Variants in IQSEC1 observed in about 807,000 individuals in gnomAD.
The protein encoded by IQSEC1 is IQ motif and Sec7 domain ArfGEF 1, also known as IQ motif and SEC7 domain-containing protein 1.
A neutral mutation model predicts 91.0 loss-of-function variants in IQSEC1; 31 were observed. That is an observed-to-expected ratio of 0.34 (90% confidence interval 0.26 to 0.46). The LOEUF (loss-of-function observed/expected upper bound fraction) is 0.46, where lower values mean the gene tolerates loss of function less well. Among genes scored for constraint, IQSEC1 ranks in the 20% least tolerant of loss-of-function variants. The pLI is 1.00. For missense variants in IQSEC1, 1,388 were observed against 1,575.6 expected (o/e 0.88, Z 2.02); for synonymous variants, 699 against 662.6 (o/e 1.05, Z -0.84).
intron 1 of IQSEC1, among the ~76,000 whole-genome samples, chr3:13,069,564 G>A (rs1015583352): frequency 1.3e-4 from 20 of 152,194 alleles, no homozygotes; most frequent in Admixed American, 1.3e-3. Flanking sequence ...AGGTCATCAT[G>A]TCCCCCAAAC....
chr3:13,094,646 T>C lies in IQSEC1; in HGVS notation c.303-47124A>G, dbSNP rs563160835. On this transcript the variant is annotated intron_variant, in intron 2 of 15. Coordinates refer to the IQSEC1 transcript ENST00000648114. ...TTCCACCATTCCCCTCATAATACAGTTGTGGAAACTGAGGACAGATAAATC... is the reference window on the plus strand; with the variant it reads ...TTCCACCATTCCCCTCATAATACAGCTGTGGAAACTGAGGACAGATAAATC... Among the ~76,000 whole-genome samples, 8 of 152,278 alleles carry C rather than the reference T, an allele frequency of 5.3e-5. No homozygotes were observed. In the South Asian group the frequency reaches 1.7e-3, roughly 32 times the overall value.
At chr3:13,216,881 T>C (rs144154492) in intron 1 of IQSEC1, among the ~76,000 whole-genome samples, 432 of 152,294 alleles carry the variant, frequency 2.8e-3, no homozygotes, top group Non-Finnish European at 5.0e-3. Context: ...GGACGCTTTC[T>C]CCCGATGAGT....
intron 2 of IQSEC1, among the ~76,000 whole-genome samples, chr3:13,143,525 G>C (rs1044002598): frequency 1.3e-5 from 2 of 152,196 alleles, no homozygotes; most frequent in African/African-American, 4.8e-5. Flanking sequence ...CCCAAACAGG[G>C]GAGCAGCTCC....
At chr3:13,218,223 C>T (rs1214438461) in intron 1 of IQSEC1, among the ~76,000 whole-genome samples, 1 of 152,184 alleles carries the variant, frequency 6.6e-6, no homozygotes, top group Non-Finnish European at 1.5e-5. Flanking sequence ...CCCAGGTGTG[C>T]GAGGCCTGGG....
At chr3:13,079,211 A>T (rs1576240460) in intron 2 of IQSEC1, among the ~76,000 whole-genome samples, 2 of 152,204 alleles carry the variant, frequency 1.3e-5, no homozygotes, top group African/African-American at 4.8e-5. Flanking sequence ...ACCGGCAAGC[A>T]TAGGCCACTG....
intron 2 of IQSEC1, among the ~76,000 whole-genome samples, chr3:13,127,468 A>G (rs1297101448): frequency 3.9e-5 from 6 of 152,120 alleles, no homozygotes; most frequent in Non-Finnish European, 4.4e-5. Context: ...AGAGTTCTCT[A>G]TTCCATTGAT....
intron 2 of IQSEC1, among the ~76,000 whole-genome samples, chr3:13,083,957 C>G (rs1372557687): frequency 6.6e-6 from 1 of 152,244 alleles, no homozygotes; most frequent in Non-Finnish European, 1.5e-5. Context: ...AGAGCCTTCC[C>G]CCCATCCCCT....
chr3:13,249,173 T>C (rs1214214157), intron 1 of IQSEC1, among the ~76,000 whole-genome samples: 5 of 146,478 alleles, frequency 3.4e-5, no homozygotes, highest in African/African-American at 1.0e-4. Context: ...ATTTCTTTTT[T>C]TTTTTTTTTT....
In IQSEC1 at chr3:13,211,833, C is replaced by A. The variant is rs562578299; in HGVS notation, c.273-47700G>T. 6.6e-6 allele frequency among the ~76,000 whole-genome samples: 1 copy of A among 152,380 alleles called. No individual in the cohort carries two copies. The highest frequency in any genetic ancestry group is 2.1e-4 in the South Asian group (1 of 4,828). On this transcript the variant is annotated intron_variant, in intron 1 of 15. Coordinates refer to the IQSEC1 transcript ENST00000648114. This position sits in a 1 kb window ranked among gnomAD's most constrained non-coding sequence, Gnocchi z 5.3. The stretch of plus-strand genomic sequence containing the variant: ...AAGCCCACGGCAAATGCCGCACCCT[C>A]CATGCAGCCCTCGCCCACCCTCGCA...
At chr3:13,122,215 G>A (rs974990281) in intron 2 of IQSEC1, among the ~76,000 whole-genome samples, 2 of 152,254 alleles carry the variant, frequency 1.3e-5, no homozygotes, top group Non-Finnish European at 2.9e-5. Context: ...ACCTGCAAAA[G>A]GTAACGGAGC....
chr3:13,238,635 C>A (rs1394150491), intron 1 of IQSEC1, among the ~76,000 whole-genome samples: 1 of 152,262 alleles, frequency 6.6e-6, no homozygotes, highest in Non-Finnish European at 1.5e-5. Flanking sequence ...GCTGGCATCA[C>A]CACAATCCCG....
intron 2 of IQSEC1, among the ~76,000 whole-genome samples, chr3:13,143,355 G>A (rs987098872): frequency 1.3e-5 from 2 of 152,208 alleles, no homozygotes; most frequent in African/African-American, 4.8e-5. Flanking sequence ...GGCCTGGGGA[G>A]GAGGTGGTCA....
At chr3:12,987,915 CAA>C (rs1216484101) in intron 1 of IQSEC1, among the ~76,000 whole-genome samples, 1 of 152,184 alleles carries the variant, frequency 6.6e-6, no homozygotes, top group Non-Finnish European at 1.5e-5. Context: ...GTGAAAACGA[CAA>C]AGACCGACAA....
rs780145420 is a variant in IQSEC1, at chr3:12,901,160, G to C, written c.3168C>G (p.His1056Gln). Residue 1056 changes from histidine to glutamine, a missense_variant, in exon 14 of 14, where the codon CAC becomes CAG. His to Gln is a conservative substitution (Grantham distance 24). This residue lies in a region of IQSEC1 where 329 missense variants were observed against 257.8 expected (regional missense o/e 1.28). Transcript: ENST00000613206. ...HHPPQHIQHA[H>Q]QYHHGPHGGH... ...CCCCATGGGGGCCGTGGTGGTACTG[G>C]TGTGCGTGCTGGATGTGCTGGGGTG... 3 of 1,544,066 alleles carry C rather than the reference G, an allele frequency of 1.9e-6. No individual in the cohort carries two copies. Among genetic ancestry groups the C allele is most frequent in the Non-Finnish European group, 2.6e-6 (3 of 1,144,852 alleles).
intron 9 of IQSEC1, among the ~76,000 whole-genome samples, chr3:12,912,670 CAAAAAAA>C (rs561314162): frequency 5.6e-5 from 3 of 54,026 alleles, no homozygotes; most frequent in Non-Finnish European, 1.1e-4. Context: ...GACTCCGTCT[CAAAAAAA>C]AAAAAAAAAA....
At chr3:13,084,634 AT>A (rs1705704928) in intron 2 of IQSEC1, among the ~76,000 whole-genome samples, 1 of 152,208 alleles carries the variant, frequency 6.6e-6, no homozygotes. Context: ...CCTGCCTGCC[AT>A]TCCAGATGCC....
chr3:13,219,204 C>T lies in IQSEC1; in HGVS notation c.273-55071G>A, dbSNP rs549790070. On this transcript the variant is annotated intron_variant, in intron 1 of 15. Coordinates refer to the IQSEC1 transcript ENST00000648114. The stretch of plus-strand genomic sequence containing the variant: ...TCAGTCCATCCACCTCACCAGCAGG[C>T]CCTGGCTGAGCCATGCTTCCCCAGA... Among the ~76,000 whole-genome samples, 4 of 152,332 alleles carry T rather than the reference C, an allele frequency of 2.6e-5. No homozygotes were observed. In the East Asian group the frequency reaches 7.7e-4, roughly 29 times the overall value.
intron 2 of IQSEC1, among the ~76,000 whole-genome samples, chr3:13,097,518 C>G (rs949746079): frequency 5.9e-5 from 9 of 152,184 alleles, no homozygotes. Context: ...CCTGCCAGCT[C>G]GAGCCTCAGT....
intron 2 of IQSEC1, among the ~76,000 whole-genome samples, chr3:13,110,915 A>G (rs1350026522): frequency 6.6e-6 from 1 of 152,234 alleles, no homozygotes; most frequent in East Asian, 1.9e-4. Context: ...CTCAGCAGTA[A>G]ACAATGACGA....
Sources: allele counts gnomAD v4.1 joint callset (sites outside exome capture counted in the v4.1 genomes callset), GRCh38; gene constraint gnomAD v4.1.1; regional missense constraint gnomAD v4.1.1; non-coding constraint Gnocchi (gnomAD v3.1); transcripts MANE v1.5; gene names NCBI Gene and HGNC (gene_info 2026-07-23, HGNC 2026-07-21).